Variants in AOAH observed in about 807,000 individuals in gnomAD.
The protein encoded by AOAH is acyloxyacyl hydrolase, also known as acyloxyacyl hydrolase (neutrophil).
In AOAH, 64 loss-of-function variants were observed where a neutral mutation model predicts 92.2. The ratio of observed to expected loss-of-function variants is 0.69; its 90% CI spans 0.57 to 0.86. The LOEUF (loss-of-function observed/expected upper bound fraction) is 0.86, where lower values mean the gene tolerates loss of function less well. AOAH is among the 40% of genes least tolerant of loss of function. The pLI is 0.00. For missense variants in AOAH, 656 were observed against 694.6 expected (o/e 0.94, Z 0.62); for synonymous variants, 263 against 254.5 (o/e 1.03, Z -0.32).
At chr7:36,701,220 A>G (rs1798011474) in intron 1 of AOAH, among the ~76,000 whole-genome samples, 1 of 151,960 alleles carries the variant, frequency 6.6e-6, no homozygotes, top group South Asian at 2.1e-4. Context: ...TGCATAACAC[A>G]TGGTCAATCC....
chr7:36,585,646 GA>G (rs1253838398), intron 12 of AOAH, among the ~76,000 whole-genome samples: 1 of 152,164 alleles, frequency 6.6e-6, no homozygotes, highest in African/African-American at 2.4e-5. Flanking sequence ...GGACAAGAAG[GA>G]AAAGAGCTCC....
chr7:36,627,088 T>C (rs1233941221), intron 6 of AOAH, among the ~76,000 whole-genome samples: 4 of 152,230 alleles, frequency 2.6e-5, no homozygotes, highest in Admixed American at 2.6e-4. Context: ...TGCTGTGTGC[T>C]GGGAATCATA....
At chr7:36,582,452 A>T (rs1459720161) in intron 12 of AOAH, among the ~76,000 whole-genome samples, 1 of 152,140 alleles carries the variant, frequency 6.6e-6, no homozygotes, top group Non-Finnish European at 1.5e-5. Context: ...GTGAAAACAC[A>T]CTGATTGGGT....
chr7:36,570,666 G>T (rs768266244), intron 13 of AOAH, among the ~76,000 whole-genome samples: 31 of 152,164 alleles, frequency 2.0e-4, no homozygotes, highest in Non-Finnish European at 2.9e-4. Context: ...GTTGTCTTCT[G>T]CTTTTTCGAT....
At chr7:36,549,550 G>C in intron 13 of AOAH, 75 bp from the exon 14 acceptor site, 1 of 1,012,916 alleles carries the variant, frequency 9.9e-7, no homozygotes, top group Non-Finnish European at 1.5e-6. Flanking sequence ...GAGTCTGATT[G>C]ACTGAACTCA....
At chr7:36,612,637 C>G (rs1435960965) in intron 11 of AOAH, among the ~76,000 whole-genome samples, 2 of 152,112 alleles carry the variant, frequency 1.3e-5, no homozygotes, top group Non-Finnish European at 2.9e-5. Flanking sequence ...TTTAATGTTG[C>G]CTTATACATG....
intron 3 of AOAH, among the ~76,000 whole-genome samples, chr7:36,667,445 A>G (rs1289500745): frequency 6.6e-6 from 1 of 152,246 alleles, no homozygotes; most frequent in African/African-American, 2.4e-5. Context: ...GCACAAGGGT[A>G]CTGTGCCTAA....
At chr7:36,575,020 T>G (rs1367897903) in intron 13 of AOAH, among the ~76,000 whole-genome samples, 2 of 151,984 alleles carry the variant, frequency 1.3e-5, no homozygotes, top group Non-Finnish European at 2.9e-5. Context: ...GATTTTTTTT[T>G]TGTGCTTTGT....
At chr7:36,535,619 C>T (rs925520659) in intron 16 of AOAH, among the ~76,000 whole-genome samples, 1 of 152,200 alleles carries the variant, frequency 6.6e-6, no homozygotes, top group Non-Finnish European at 1.5e-5. Context: ...CCCTGGCTTC[C>T]TCTCCATAGT....
chr7:36,637,360 T>C (rs907685012), intron 5 of AOAH, among the ~76,000 whole-genome samples: 11 of 152,124 alleles, frequency 7.2e-5, no homozygotes, highest in African/African-American at 2.7e-4. Context: ...TCAGTGAAGT[T>C]GAGCACCGTG....
At chr7:36,672,416 T>A (rs754151920) in intron 3 of AOAH, among the ~76,000 whole-genome samples, 17 of 152,150 alleles carry the variant, frequency 1.1e-4, no homozygotes, top group Non-Finnish European at 2.4e-4. Flanking sequence ...ATGTGGCACA[T>A]ATACACCATG....
At chr7:36,674,716 G>C (rs1796131206) in intron 2 of AOAH, among the ~76,000 whole-genome samples, 1 of 152,174 alleles carries the variant, frequency 6.6e-6, no homozygotes, top group African/African-American at 2.4e-5. Flanking sequence ...AGCAGAGTTA[G>C]GGACAGATCA....
intron 10 of AOAH, 94 bp from the exon 11 acceptor site, chr7:36,616,568 T>G (rs1791900394): frequency 2.0e-6 from 2 of 986,268 alleles, no homozygotes; most frequent in Non-Finnish European, 3.1e-6. Flanking sequence ...CTAGTGTGTA[T>G]TCCAGGCACC....
At chr7:36,616,238 CTG>C (rs3832510) in intron 11 of AOAH, 140 bp downstream of exon 11, 12,544 of 680,114 alleles carry the variant, frequency 0.018, 543 homozygotes, top group East Asian at 0.12. Context: ...ACTGAAATGA[CTG>C]TGGATATGCC....
intron 1 of AOAH, among the ~76,000 whole-genome samples, chr7:36,713,177 A>G (rs1415172285): frequency 6.6e-6 from 1 of 152,228 alleles, no homozygotes; most frequent in Non-Finnish European, 1.5e-5. Flanking sequence ...AGGGGTTGCA[A>G]TCCTAGTCGC....
intron 1 of AOAH, among the ~76,000 whole-genome samples, chr7:36,697,101 A>T (rs983633670): frequency 4.4e-4 from 67 of 152,272 alleles, no homozygotes; most frequent in Non-Finnish European, 5.9e-5. Context: ...GAGAATGGAC[A>T]TTTCTACCTT....
intron 20 of AOAH, among the ~76,000 whole-genome samples, chr7:36,518,768 G>A (rs944878281): frequency 2.0e-5 from 3 of 152,170 alleles, no homozygotes; most frequent in Non-Finnish European, 4.4e-5. Flanking sequence ...AGCCAGAAGC[G>A]GTTTCAGAGT....
rs200402622 is a variant in AOAH at position 36,613,243 on chromosome 7, C to A, written c.846+3137G>T. Among the ~76,000 whole-genome samples, 24 of 152,274 alleles carry A rather than the reference C, an allele frequency of 1.6e-4. 1 individual carries two copies. The East Asian group carries it at 4.6e-3, about 29-fold the overall frequency. ...CTTAAAATTCTGTAGAGAGGCTGTT[C>A]CGCTTTTTCCTGAAATTTAGTGTTT... On this transcript the variant is annotated intron_variant, in intron 11 of 20. Coordinates refer to ENST00000617537, the MANE Select transcript of AOAH (RefSeq NM_001637.4).
Position 36,513,342 on chromosome 7 carries a change from CT to C in AOAH, c.1637del (p.Lys546ArgfsTer104). 1.2e-6 allele frequency: 2 copies of C among 1,614,060 alleles called. No individual in the cohort carries two copies. The highest frequency in any genetic ancestry group is 1.7e-6 in the Non-Finnish European group (2 of 1,179,998). ...GGATTTGGGGCCACTGGAGCTGCAC[CT>C]TTTTCCAGAAATGATCCGCCAACAA... ...LLLLADHFWK[K>X]VQLQWPQILG... On this transcript the variant is annotated frameshift_variant, in exon 21 of 21. Transcript: ENST00000617537. LOFTEE classifies it high-confidence loss of function.
Sources: gnomAD v4.1 joint callset for allele counts (sites outside exome capture counted in the v4.1 genomes callset) on GRCh38, gnomAD v4.1.1 for gene constraint, MANE v1.5 for transcripts, NCBI Gene and HGNC (gene_info 2026-07-23, HGNC 2026-07-21) for gene names.